Variants in CHID1 observed in about 807,000 individuals in gnomAD.
CHID1 encodes the protein chitinase domain-containing protein 1.
CHID1 carries 44 observed loss-of-function variants against 55.4 expected under a neutral mutation model. The ratio of observed to expected loss-of-function variants is 0.79; its 90% CI spans 0.62 to 1.02. The LOEUF is 1.02. Among genes scored for constraint, CHID1 ranks in the 50% least tolerant of loss-of-function variants. CHID1 has a pLI of 0.00. For synonymous variants in CHID1, 216 were observed against 212.9 expected, an observed-to-expected ratio of 1.01 and a Z score of -0.13; for missense variants, 491 against 515.3, an observed-to-expected ratio of 0.95 and a Z score of 0.46.
At chr11:904,988 C>A in intron 1 of CHID1, 129 bp from the exon 2 acceptor site, 1 of 1,024,404 alleles carries the variant, frequency 9.8e-7, no homozygotes, top group Non-Finnish European at 1.4e-6. Context: ...GACCCTTGGC[C>A]ACTGGGACAG....
Position 871,582 on chromosome 11 carries a change from C to A in CHID1, c.960-1083G>T, listed in dbSNP as rs73407224. On this transcript the variant is annotated intron_variant, in intron 10 of 12. Transcript: ENST00000323578. Reference sequence around the variant, plus strand: ...AGTCTGTGCAGGTGGAGGCAGCTGACAATGGAACATGACCAGTGCCTGCTG... The same window carrying A: ...AGTCTGTGCAGGTGGAGGCAGCTGAAAATGGAACATGACCAGTGCCTGCTG... 1.0e-3 allele frequency among the ~76,000 whole-genome samples: 152 copies of A among 152,392 alleles called. 2 individuals are homozygous for A. The highest frequency in any genetic ancestry group is 3.6e-3 in the African/African-American group (148 of 41,596).
intron 10 of CHID1, among the ~76,000 whole-genome samples, chr11:877,272 G>A (rs1376368645): frequency 6.6e-6 from 1 of 152,198 alleles, no homozygotes; most frequent in Non-Finnish European, 1.5e-5. Flanking sequence ...AGCTGCTGAA[G>A]GCTTTGGTTG....
chr11:901,020 G>T, intron 4 of CHID1, 40 bp from the exon 5 acceptor site: 1 of 1,560,442 alleles, frequency 6.4e-7, no homozygotes, highest in Non-Finnish European at 8.7e-7. Flanking sequence ...AGGCACGTGC[G>T]CCCAACTGGA....
intron 9 of CHID1, 41 bp downstream of exon 9, chr11:884,027 G>T: frequency 6.8e-7 from 1 of 1,470,302 alleles, no homozygotes; most frequent in Non-Finnish European, 9.5e-7. Context: ...GCTGCACTGT[G>T]GAGTTTGCTG....
chr11:876,410 C>A (rs996804401), intron 10 of CHID1, among the ~76,000 whole-genome samples: 6 of 152,158 alleles, frequency 3.9e-5, no homozygotes, highest in Non-Finnish European at 7.4e-5. Flanking sequence ...ACCACCTGGG[C>A]AGAGCCAGGG....
intron 1 of CHID1, among the ~76,000 whole-genome samples, chr11:909,007 G>A (rs1404969529): frequency 3.3e-5 from 5 of 152,224 alleles, no homozygotes. Context: ...TAACTTGCCC[G>A]CTCTGTGATG....
intron 10 of CHID1, among the ~76,000 whole-genome samples, chr11:871,379 AAG>A (rs1849164771): frequency 6.6e-6 from 1 of 152,094 alleles, no homozygotes; most frequent in Non-Finnish European, 1.5e-5. Flanking sequence ...CCTGAGCACC[AAG>A]AGTCAGTGGT....
At chr11:911,988 G>C (rs571884753), upstream of CHID1, among the ~76,000 whole-genome samples, 2 of 152,346 alleles carry the variant, frequency 1.3e-5, no homozygotes, top group East Asian at 3.9e-4. Flanking sequence ...AAGGCACTTA[G>C]CCATTTTAGG....
At position 883,178 on chromosome 11, in the gene CHID1, T is replaced by C. The variant is rs1023635066; in HGVS notation, c.929A>G (p.Lys310Arg). ...NFYGMDYATSKDAREPVVGAR... is the reference protein window; with the variant it reads ...NFYGMDYATSRDAREPVVGAR... Reference sequence around the variant, plus strand: ...CCCGACAACAGGCTCACGGGCATCCTTGGAGGTCGCGTAGTCCATACCATA... The same window carrying C: ...CCCGACAACAGGCTCACGGGCATCCCTGGAGGTCGCGTAGTCCATACCATA... Residue 310 changes from lysine to arginine, a missense_variant, in exon 10 of 13, where the codon AAG (lysine) becomes AGG (arginine). Transcript: ENST00000323578. 3.1e-6 allele frequency: 5 copies of C among 1,613,524 alleles called. No homozygotes were observed. The African/African-American group carries it at 6.7e-5, about 22-fold the overall frequency.
rs114462766 is a variant in CHID1, at chr11:893,588, C to T, written c.609-69G>A. On this transcript the variant is annotated intron_variant, in intron 7 of 12. Transcript: ENST00000323578. ...GCCTCTCCCAGGGTTCTGTGACACC[C>T]GCTGCCTCAGGGAGGGGTGGGGCTG... 1.1e-3 allele frequency: 1,362 copies of T among 1,281,560 alleles called. 16 individuals carry two copies. In the African/African-American group the frequency reaches 0.016, roughly 15 times the overall value. 79.4% of individuals were successfully genotyped at this position (1,281,560 alleles called of 1,614,324 possible).
At chr11:910,599 C>T (rs990601657) in intron 1 of CHID1, 176 bp downstream of exon 1, 8 of 1,239,720 alleles carry the variant, frequency 6.5e-6, no homozygotes, top group Non-Finnish European at 8.3e-6. Flanking sequence ...GTCCTCACAC[C>T]CTCTCACACG....
At position 892,635 on chromosome 11, in the gene CHID1, G is replaced by A. The variant is rs368758730; in HGVS notation, c.701+792C>T. Among the ~76,000 whole-genome samples, 10 of 152,360 alleles carry A rather than the reference G, an allele frequency of 6.6e-5. No homozygotes were observed. In the East Asian group the frequency reaches 9.6e-4, roughly 15 times the overall value. Reference sequence around the variant, plus strand: ...AGCTCCAGGGGAGGAACCTGGCCACGACAGCAGGACCACGGGCACAGGTCT... The same window carrying A: ...AGCTCCAGGGGAGGAACCTGGCCACAACAGCAGGACCACGGGCACAGGTCT... On this transcript the variant is annotated intron_variant, in intron 8 of 12. Transcript: ENST00000323578.
At chr11:884,468 T>G (rs1850249322) in intron 8 of CHID1, among the ~76,000 whole-genome samples, 1 of 151,618 alleles carries the variant, frequency 6.6e-6, no homozygotes, top group Non-Finnish European at 1.5e-5. Flanking sequence ...AGGGGCAAGG[T>G]CAGTGGAGAG....
At chr11:901,437 C>T (rs1360146605) in intron 4 of CHID1, among the ~76,000 whole-genome samples, 1 of 152,238 alleles carries the variant, frequency 6.6e-6, no homozygotes, top group African/African-American at 2.4e-5. Flanking sequence ...AACTGCCTAA[C>T]ACTTCCCCTG....
At chr11:883,335 AC>A in intron 9 of CHID1, 32 bp from the exon 10 acceptor site, 1 of 1,592,844 alleles carries the variant, frequency 6.3e-7, no homozygotes, top group Non-Finnish European at 8.6e-7. Flanking sequence ...AGTTTCAGCA[AC>A]AGGGAGGGCC....
intron 8 of CHID1, among the ~76,000 whole-genome samples, chr11:893,103 GCAGAA>G (rs1462924578): frequency 1.3e-5 from 2 of 152,198 alleles, no homozygotes; most frequent in Non-Finnish European, 2.9e-5. Context: ...GCTGCCCTGG[GCAGAA>G]CCCTGGGACT....
At chr11:898,459 A>G (rs28476743) in intron 7 of CHID1, among the ~76,000 whole-genome samples, 151,129 of 152,322 alleles carry the variant, frequency 0.99, 74,985 homozygotes, top group Middle Eastern at 1. Flanking sequence ...TGGAGACCGC[A>G]CCATCCTCGC....
At chr11:894,303 G>A (rs1851094360) in intron 7 of CHID1, among the ~76,000 whole-genome samples, 1 of 152,122 alleles carries the variant, frequency 6.6e-6, no homozygotes, top group Non-Finnish European at 1.5e-5. Flanking sequence ...GCAGCAGTTA[G>A]GCCTCCTCTG....
At chr11:902,175 A>C in intron 4 of CHID1, 23 bp downstream of exon 4, 1 of 1,612,684 alleles carries the variant, frequency 6.2e-7, no homozygotes, top group Non-Finnish European at 8.5e-7. Flanking sequence ...GGGCAAGCAC[A>C]GTCAAGCAGG....
Sources: allele counts gnomAD v4.1 joint callset (sites outside exome capture counted in the v4.1 genomes callset), GRCh38; gene constraint gnomAD v4.1.1; transcripts MANE v1.5; gene names NCBI Gene and HGNC (gene_info 2026-07-23, HGNC 2026-07-21).